The following NR3C2 variants were observed in gnomAD, a reference collection of about 807,000 sequenced individuals.
NR3C2 encodes the protein mineralocorticoid receptor.
In NR3C2, 15 loss-of-function variants were observed where a neutral mutation model predicts 86.4. That is an observed-to-expected ratio of 0.17 (90% CI 0.12 to 0.27). The LOEUF (loss-of-function observed/expected upper bound fraction) is 0.27, where lower values mean the gene tolerates loss of function less well. NR3C2 is among the 10% of genes least tolerant of loss of function. The probability of loss-of-function intolerance (pLI) is 1.00; values close to 1 mark genes in which losing one functional copy is unlikely to be tolerated. For synonymous variants in NR3C2, 458 were observed against 450.5 expected, an observed-to-expected ratio of 1.02 and a Z score of -0.21; for missense variants, 960 against 1,195.6, an observed-to-expected ratio of 0.80 and a Z score of 2.91.
intron 2 of NR3C2, among the ~76,000 whole-genome samples, chr4:148,364,770 T>A (rs1746024614): frequency 6.6e-6 from 1 of 151,830 alleles, no homozygotes; most frequent in Non-Finnish European, 1.5e-5. Flanking sequence ...TGGTTGAGTA[T>A]CCCTTATCCA....
At chr4:148,359,320 G>A (rs1486611835) in intron 2 of NR3C2, among the ~76,000 whole-genome samples, 1 of 152,106 alleles carries the variant, frequency 6.6e-6, no homozygotes, top group African/African-American at 2.4e-5. Flanking sequence ...TTGTAACCTA[G>A]ATGTAATTTT....
intron 2 of NR3C2, among the ~76,000 whole-genome samples, chr4:148,391,789 C>T (rs62333616): frequency 0.11 from 15,928 of 151,500 alleles, 992 homozygotes; most frequent in Middle Eastern, 0.29. Context: ...ATCACTTGAA[C>T]CCGGGAGGCA....
chr4:148,286,127 C>A (rs1242071210), intron 2 of NR3C2, among the ~76,000 whole-genome samples: 1 of 152,160 alleles, frequency 6.6e-6, no homozygotes, highest in East Asian at 1.9e-4. Context: ...TATTGCAGGA[C>A]AAGCCTGGGT....
intron 3 of NR3C2, among the ~76,000 whole-genome samples, chr4:148,200,221 G>A (rs771489887): frequency 1.3e-5 from 2 of 152,154 alleles, no homozygotes; most frequent in South Asian, 2.1e-4. Context: ...AATGCCCTGC[G>A]GGCTCCAGTG....
At chr4:148,357,696 A>G (rs1273567632) in intron 2 of NR3C2, among the ~76,000 whole-genome samples, 1 of 152,180 alleles carries the variant, frequency 6.6e-6, no homozygotes, top group Non-Finnish European at 1.5e-5. Context: ...AACATTAATT[A>G]TTTCTGCTAA....
chr4:148,435,628 T>G lies in NR3C2; in HGVS notation c.1233A>C (p.Leu411=). The change falls in exon 2 of 9, where the codon CTA becomes CTC. Residue 411 remains leucine (L), a synonymous_variant. Transcript: ENST00000358102. ...EPDGAFSSSC[L]GGNSKINSDS... The stretch of plus-strand genomic sequence containing the variant: ...CCGAATTTATTTTGCTATTTCCTCC[T>G]AGACATGAGCTGCTAAAAGCTCCAT... 6.2e-7 allele frequency: 1 copy of G among 1,614,206 alleles called. No homozygotes were observed. Among genetic ancestry groups the G allele is most frequent in the Non-Finnish European group, 8.5e-7 (1 of 1,180,040 alleles).
chr4:148,315,911 CT>C (rs1399495941), intron 2 of NR3C2, among the ~76,000 whole-genome samples: 1 of 152,100 alleles, frequency 6.6e-6, no homozygotes, highest in Non-Finnish European at 1.5e-5. Flanking sequence ...GTGATATATA[CT>C]TCCAAAAATC....
At chr4:148,158,300 T>G (rs1734496038) in intron 4 of NR3C2, among the ~76,000 whole-genome samples, 1 of 152,192 alleles carries the variant, frequency 6.6e-6, no homozygotes, top group Non-Finnish European at 1.5e-5. Flanking sequence ...CCTCGTCAAC[T>G]GACGACTCTA....
chr4:148,144,878 C>G (rs1733792378), intron 6 of NR3C2, among the ~76,000 whole-genome samples: 1 of 152,176 alleles, frequency 6.6e-6, no homozygotes, highest in African/African-American at 2.4e-5. Context: ...GTCTTGAGCT[C>G]CACTGTCTCC....
chr4:148,396,391 T>G (rs2126513058), intron 2 of NR3C2, among the ~76,000 whole-genome samples: 1 of 152,288 alleles, frequency 6.6e-6, no homozygotes, highest in East Asian at 1.9e-4. Flanking sequence ...TTGAGAAAAA[T>G]TTATATCCAA....
At chr4:148,373,770 G>A (rs973714544) in intron 2 of NR3C2, among the ~76,000 whole-genome samples, 1 of 152,024 alleles carries the variant, frequency 6.6e-6, no homozygotes, top group Non-Finnish European at 1.5e-5. Context: ...GAGCCACCGC[G>A]CCCGGCCAGG....
intron 3 of NR3C2, among the ~76,000 whole-genome samples, chr4:148,258,268 A>T (rs547462310): frequency 5.3e-5 from 8 of 152,310 alleles, no homozygotes; most frequent in South Asian, 4.1e-4. Context: ...GGAAAGCACA[A>T]AGTGGCCTTA....
rs141720739 is a variant in NR3C2, at chr4:148,130,113, G to A, written c.2511-9825C>T. 2.0e-3 allele frequency among the ~76,000 whole-genome samples: 309 copies of A among 152,188 alleles called. 2 individuals carry two copies. The highest frequency in any genetic ancestry group is 7.1e-3 in the African/African-American group (296 of 41,510). On this transcript the variant is annotated intron_variant, in intron 6 of 8. Transcript: ENST00000358102. ...TGCTCAATGCTTTTGGAAAGCATGC[G>A]GGGTAAAAATTCTTTAATAAACTGT...
chr4:148,155,249 T>C (rs1358686691), intron 4 of NR3C2, among the ~76,000 whole-genome samples: 2 of 152,156 alleles, frequency 1.3e-5, no homozygotes, highest in African/African-American at 2.4e-5. Flanking sequence ...ACTTAAGAAA[T>C]GTACCACCAA....
At chr4:148,432,278 T>C (rs1405257702) in intron 2 of NR3C2, among the ~76,000 whole-genome samples, 1 of 152,152 alleles carries the variant, frequency 6.6e-6, no homozygotes, top group Non-Finnish European at 1.5e-5. Flanking sequence ...CATATAGATA[T>C]GTTGTTGGGA....
intron 4 of NR3C2, among the ~76,000 whole-genome samples, chr4:148,184,958 A>G (rs1735823444): frequency 6.6e-6 from 1 of 152,196 alleles, no homozygotes; most frequent in Non-Finnish European, 1.5e-5. Flanking sequence ...GAGGCCCACC[A>G]TTACCAAAAC....
In NR3C2 at chr4:148,082,668, T is replaced by TTTTG. The variant is rs1418257899; in HGVS notation, c.2800-1170_2800-1169insCAAA. On this transcript the variant is annotated intron_variant, in intron 8 of 8. Transcript: ENST00000358102. ...GGCAGACACTGAGCTAGCTGCAGTT[T>TTTTG]TTTTTTTTTTTTTTCATACCCCAGT... 2.1e-4 allele frequency among the ~76,000 whole-genome samples: 31 copies of TTTTG among 149,960 alleles called. No individual in the cohort carries two copies. In the East Asian group the frequency reaches 5.1e-3, roughly 25 times the overall value.
Position 148,116,788 on chromosome 4 carries a change from G to A in NR3C2, c.2642-2527C>T, listed in dbSNP as rs184646480. On this transcript the variant is annotated intron_variant, in intron 7 of 8. Transcript: ENST00000358102. The stretch of plus-strand genomic sequence containing the variant: ...AAATTAATTCAAGTAGCTTCAAAAT[G>A]GTATCAGAATCTATTACGAGCTGAG... 1.2e-4 allele frequency among the ~76,000 whole-genome samples: 18 copies of A among 151,964 alleles called. No individual in the cohort carries two copies. In the East Asian group the frequency reaches 3.5e-3, roughly 29 times the overall value.
chr4:148,278,981 G>C (rs1741101233), intron 2 of NR3C2, among the ~76,000 whole-genome samples: 2 of 151,998 alleles, frequency 1.3e-5, no homozygotes, highest in South Asian at 4.2e-4. Flanking sequence ...TGGCCACATA[G>C]TGAAACCCCG....
Sources: gnomAD v4.1 joint callset for allele counts (sites outside exome capture counted in the v4.1 genomes callset) on GRCh38, gnomAD v4.1.1 for gene constraint, MANE v1.5 for transcripts, NCBI Gene and HGNC (gene_info 2026-07-23, HGNC 2026-07-21) for gene names.